ATP10B: variants seen among roughly 807,000 people sequenced by gnomAD.
The protein encoded by ATP10B is phospholipid-transporting ATPase VB.
In ATP10B, 122 loss-of-function variants were observed where a neutral mutation model predicts 141.2. That is an observed-to-expected ratio of 0.86 (90% CI 0.75 to 1.00). The LOEUF (loss-of-function observed/expected upper bound fraction) is 1.00, where lower values mean the gene tolerates loss of function less well. ATP10B is among the 50% of genes least tolerant of loss of function. The pLI is 0.00. For missense variants in ATP10B, 1,876 were observed against 1,825.3 expected, an observed-to-expected ratio of 1.03 and a Z score of -0.51; for synonymous variants, 685 against 692.0, an observed-to-expected ratio of 0.99 and a Z score of 0.16.
At chr5:160,703,555 C>A (rs946786050) in intron 3 of ATP10B, among the ~76,000 whole-genome samples, 1 of 151,816 alleles carries the variant, frequency 6.6e-6, no homozygotes, top group African/African-American at 2.4e-5. Context: ...TGGCTCACTG[C>A]AACCTCTGCC....
At position 160,634,493 on chromosome 5, in the gene ATP10B, T is replaced by C. The variant is rs1759203183; in HGVS notation, c.1242A>G (p.Gln414=). ...CCTCTGCGATGTTGAGGGCTCGACA[T>C]TGAATGGATAAATCGGTCTCTTCAT... ...LYDEETDLSI[Q]CRALNIAEDL... is the part of the protein sequence containing the mutation. The change falls in exon 12 of 26, where the codon CAA becomes CAG. Residue 414 remains glutamine (Q), a synonymous_variant. Coordinates refer to ENST00000327245, the MANE Select transcript of ATP10B (RefSeq NM_025153.3). 1 of 1,614,192 alleles carries C rather than the reference T, an allele frequency of 6.2e-7. No individual in the cohort carries two copies. Among genetic ancestry groups the C allele is most frequent in the Admixed American group, 1.7e-5 (1 of 60,032 alleles).
chr5:160,753,289 C>T (rs145676431), intron 2 of ATP10B, among the ~76,000 whole-genome samples: 75 of 152,282 alleles, frequency 4.9e-4, no homozygotes, highest in African/African-American at 1.5e-3. Flanking sequence ...TCCCTAGCCT[C>T]GATGTTGCTC....
intron 7 of ATP10B, among the ~76,000 whole-genome samples, chr5:160,656,492 C>T (rs191243560): frequency 2.6e-5 from 4 of 152,270 alleles, no homozygotes; most frequent in Non-Finnish European, 4.4e-5. Flanking sequence ...CCCCTGTATG[C>T]TCCCAAATGC....
chr5:160,906,962 C>G, the ATP10B span, among the ~76,000 whole-genome samples: 8 of 152,284 alleles, frequency 5.3e-5, no homozygotes, highest in South Asian at 6.2e-4. Flanking sequence ...TTATTCCTAA[C>G]TAATACAGTG....
At chr5:160,753,432 G>C (rs528357802) in intron 2 of ATP10B, among the ~76,000 whole-genome samples, 1 of 152,256 alleles carries the variant, frequency 6.6e-6, no homozygotes, top group East Asian at 1.9e-4. Flanking sequence ...GAATCAATTA[G>C]CTTTGATTTA....
rs1330752898 is a variant in ATP10B at position 160,593,081 on chromosome 5, G to A, written c.3565-1942C>T. On this transcript the variant is annotated intron_variant, in intron 22 of 25. Transcript: ENST00000327245. The stretch of plus-strand genomic sequence containing the variant: ...AGAGCAGTGGTTCTCCCAGCACGCA[G>A]CTGGAGATCTGAGAATGGGCAGACT... 2.0e-5 allele frequency among the ~76,000 whole-genome samples: 3 copies of A among 152,228 alleles called. No individual in the cohort carries two copies. The East Asian group carries it at 5.8e-4, about 29-fold the overall frequency.
chr5:160,727,555 A>C (rs1766444739), intron 2 of ATP10B, among the ~76,000 whole-genome samples: 1 of 152,022 alleles, frequency 6.6e-6, no homozygotes, highest in Admixed American at 6.5e-5. Flanking sequence ...GGGTGTTTTC[A>C]TTTTTATTTG....
At chr5:160,891,479 AG>A in the ATP10B span, among the ~76,000 whole-genome samples, 1 of 152,184 alleles carries the variant, frequency 6.6e-6, no homozygotes, top group Non-Finnish European at 1.5e-5. Flanking sequence ...TTCTTGAGAC[AG>A]AGTCTCGCTC....
chr5:160,828,269 A>G (rs1285817436), intron 1 of ATP10B, among the ~76,000 whole-genome samples: 2 of 152,114 alleles, frequency 1.3e-5, no homozygotes, highest in Non-Finnish European at 2.9e-5. Flanking sequence ...CAGAGTGAAC[A>G]GGCAACCTAC....
intron 8 of ATP10B, among the ~76,000 whole-genome samples, chr5:160,648,469 C>T (rs1384625668): frequency 2.0e-5 from 3 of 152,184 alleles, no homozygotes; most frequent in Non-Finnish European, 4.4e-5. Context: ...CATTTACTCA[C>T]ATCTGTTACT....
intron 12 of ATP10B, 86 bp from the exon 13 acceptor site, chr5:160,632,453 TAAGA>T: frequency 7.7e-7 from 1 of 1,294,628 alleles, no homozygotes; most frequent in Non-Finnish European, 1.1e-6. Flanking sequence ...TGGGGGGTGG[TAAGA>T]GCATGGGAAG....
chr5:160,709,131 A>G (rs1765200456), intron 3 of ATP10B, among the ~76,000 whole-genome samples: 1 of 152,238 alleles, frequency 6.6e-6, no homozygotes, highest in Non-Finnish European at 1.5e-5. Flanking sequence ...TAAGTGCATT[A>G]AAGACCTGCC....
At chr5:160,572,265 C>T (rs1374279973) in intron 24 of ATP10B, among the ~76,000 whole-genome samples, 2 of 151,902 alleles carry the variant, frequency 1.3e-5, no homozygotes, top group African/African-American at 2.4e-5. Context: ...AATAACCTAG[C>T]GCCGTTTCCT....
At chr5:160,859,496 G>GC in the ATP10B span, among the ~76,000 whole-genome samples, 9 of 151,358 alleles carry the variant, frequency 5.9e-5, no homozygotes, top group Admixed American at 4.6e-4. Flanking sequence ...CAAAGCACAG[G>GC]CCCCCTCCCC....
chr5:160,718,849 T>C (rs902322445), intron 2 of ATP10B, among the ~76,000 whole-genome samples: 1 of 152,196 alleles, frequency 6.6e-6, no homozygotes, highest in Non-Finnish European at 1.5e-5. Context: ...ACATGAGTTT[T>C]GGTAGGGACA....
chr5:160,681,202 G>A (rs1254936925), intron 6 of ATP10B, among the ~76,000 whole-genome samples: 4 of 152,198 alleles, frequency 2.6e-5, no homozygotes, highest in Non-Finnish European at 4.4e-5. Context: ...GTTAAACAAA[G>A]CTGATAGGCT....
At chr5:160,814,878 C>CTT in intron 1 of ATP10B, among the ~76,000 whole-genome samples, 1 of 152,198 alleles carries the variant, frequency 6.6e-6, no homozygotes, top group Middle Eastern at 3.4e-3. Context: ...TCATATCCAG[C>CTT]CAAACTAAGC....
chr5:160,807,958 C>T (rs1201080206), intron 1 of ATP10B, among the ~76,000 whole-genome samples: 1 of 152,160 alleles, frequency 6.6e-6, no homozygotes, highest in Non-Finnish European at 1.5e-5. Flanking sequence ...AGCCCCAAGT[C>T]CCCTGGTCTT....
chr5:160,696,122 T>C (rs1426856001), intron 3 of ATP10B, among the ~76,000 whole-genome samples: 13 of 152,130 alleles, frequency 8.5e-5, no homozygotes. Flanking sequence ...AATTTTTTTT[T>C]CACTGAGATA....
Sources: allele counts gnomAD v4.1 joint callset (sites outside exome capture counted in the v4.1 genomes callset), GRCh38; gene constraint gnomAD v4.1.1; transcripts MANE v1.5; gene names NCBI Gene and HGNC (gene_info 2026-07-23, HGNC 2026-07-21).